The following PDE11A variants were observed in gnomAD, a reference collection of about 807,000 sequenced individuals.
PDE11A encodes the protein dual 3',5'-cyclic-AMP and -GMP phosphodiesterase 11A.
PDE11A carries 100 observed loss-of-function variants against 100.5 expected under a neutral mutation model. The observed-to-expected ratio is 1.00, with a 90% CI of 0.85 to 1.18. PDE11A has a LOEUF of 1.18. PDE11A is among the 50% of genes most tolerant of loss of function. The pLI is 0.00. For missense variants in PDE11A, 1,141 were observed against 1,152.6 expected (o/e 0.99, Z 0.15); for synonymous variants, 381 against 420.8 (o/e 0.91, Z 1.16).
chr2:177,789,570 A>G (rs1410913607), intron 9 of PDE11A, among the ~76,000 whole-genome samples: 2 of 151,936 alleles, frequency 1.3e-5, no homozygotes, highest in Non-Finnish European at 1.5e-5. Flanking sequence ...AATAAAGGGT[A>G]TTCAATTAGG....
At chr2:177,630,689 AT>A (rs5836618) in intron 19 of PDE11A, among the ~76,000 whole-genome samples, 11 of 151,384 alleles carry the variant, frequency 7.3e-5, no homozygotes, top group Admixed American at 2.6e-4. Context: ...CCTTATTTTA[AT>A]TTTTTTTTAC....
At chr2:177,736,425 G>A (rs993656040) in intron 10 of PDE11A, among the ~76,000 whole-genome samples, 7 of 152,002 alleles carry the variant, frequency 4.6e-5, no homozygotes, top group Non-Finnish European at 7.4e-5. Flanking sequence ...TTAGGAGGCT[G>A]AGGCAGGAGA....
At chr2:177,743,212 A>G (rs1319873598) in intron 10 of PDE11A, among the ~76,000 whole-genome samples, 1 of 152,238 alleles carries the variant, frequency 6.6e-6, no homozygotes, top group Non-Finnish European at 1.5e-5. Flanking sequence ...AGTTTTAAAT[A>G]ATTGTACTTA....
intron 2 of PDE11A, among the ~76,000 whole-genome samples, chr2:177,945,739 GC>G (rs1472674017): frequency 4.7e-5 from 7 of 148,986 alleles, no homozygotes; most frequent in Non-Finnish European, 8.9e-5. Context: ...GGGGGGGTCA[GC>G]CCCCCGCCCG....
chr2:177,937,051 C>T (rs1448379938), intron 2 of PDE11A, among the ~76,000 whole-genome samples: 5 of 151,960 alleles, frequency 3.3e-5, no homozygotes, highest in African/African-American at 4.8e-5. Context: ...TTACTATGCC[C>T]CTAAAATATT....
chr2:177,722,872 A>C (rs2081550709), intron 12 of PDE11A, among the ~76,000 whole-genome samples: 1 of 152,104 alleles, frequency 6.6e-6, no homozygotes, highest in African/African-American at 2.4e-5. Context: ...TTTTTTGATA[A>C]GGAAATACAA....
chr2:178,095,941 C>T (rs760029230), intron 2 of PDE11A, among the ~76,000 whole-genome samples: 1 of 152,142 alleles, frequency 6.6e-6, no homozygotes, highest in Non-Finnish European at 1.5e-5. Flanking sequence ...GCACAGAGCA[C>T]AGAGCAGCAG....
intron 19 of PDE11A, among the ~76,000 whole-genome samples, chr2:177,657,242 T>G (rs2080403078): frequency 1.3e-5 from 2 of 152,212 alleles, no homozygotes; most frequent in Admixed American, 1.3e-4. Context: ...GCACTCAGAT[T>G]TGGGTACATT....
chr2:177,841,457 T>G, intron 5 of PDE11A, among the ~76,000 whole-genome samples: 1 of 152,216 alleles, frequency 6.6e-6, no homozygotes, highest in Non-Finnish European at 1.5e-5. Flanking sequence ...CATCACTCTA[T>G]TGACTTTTTA....
At chr2:177,737,198 C>T (rs1260823431) in intron 10 of PDE11A, among the ~76,000 whole-genome samples, 1 of 151,916 alleles carries the variant, frequency 6.6e-6, no homozygotes, top group East Asian at 1.9e-4. Flanking sequence ...CAAGATCACG[C>T]CATTGCACTC....
intron 2 of PDE11A, among the ~76,000 whole-genome samples, chr2:177,951,562 C>T (rs2085505612): frequency 6.6e-6 from 1 of 152,082 alleles, no homozygotes; most frequent in Admixed American, 6.6e-5. Context: ...ATTCCTGGGT[C>T]AGAGACAAAG....
chr2:177,780,741 G>C (rs1316301168), intron 9 of PDE11A, among the ~76,000 whole-genome samples: 16 of 152,160 alleles, frequency 1.1e-4, no homozygotes, highest in Admixed American at 7.9e-4. Context: ...ATCTCTGCTA[G>C]CTTCAAACTT....
intron 2 of PDE11A, among the ~76,000 whole-genome samples, chr2:177,949,271 ATCTT>A (rs147945614): frequency 0.16 from 24,023 of 152,110 alleles, 1,945 homozygotes; most frequent in Middle Eastern, 0.27. Flanking sequence ...CTAGTTTAAA[ATCTT>A]TATTTTAATT....
At chr2:177,845,137 T>C in intron 5 of PDE11A, among the ~76,000 whole-genome samples, 1 of 151,110 alleles carries the variant, frequency 6.6e-6, no homozygotes. Context: ...GCTCCTCACC[T>C]CCCGGACGGG....
chr2:177,800,401 C>T (rs1442847463), intron 9 of PDE11A, among the ~76,000 whole-genome samples: 1 of 151,988 alleles, frequency 6.6e-6, no homozygotes, highest in Non-Finnish European at 1.5e-5. Context: ...AGACTCCTGG[C>T]TTCAAGCAAT....
At chr2:177,857,025 A>G (rs1246693291) in intron 5 of PDE11A, among the ~76,000 whole-genome samples, 1 of 152,092 alleles carries the variant, frequency 6.6e-6, no homozygotes, top group Non-Finnish European at 1.5e-5. Flanking sequence ...GTCCTAAGAC[A>G]ATGACAAGAA....
chr2:177,690,106 G>C (rs907292936), intron 15 of PDE11A, among the ~76,000 whole-genome samples: 2 of 152,126 alleles, frequency 1.3e-5, no homozygotes, highest in Non-Finnish European at 2.9e-5. Context: ...TCATTTTTTA[G>C]TCAGTTTTGA....
intron 2 of PDE11A, among the ~76,000 whole-genome samples, chr2:177,972,117 A>G (rs1482529725): frequency 6.6e-6 from 1 of 152,246 alleles, no homozygotes; most frequent in Non-Finnish European, 1.5e-5. Context: ...AGCTACAAAG[A>G]GCAATTTAGA....
At chr2:177,785,058 T>A (rs1574138666) in intron 9 of PDE11A, among the ~76,000 whole-genome samples, 1 of 152,210 alleles carries the variant, frequency 6.6e-6, no homozygotes, top group Non-Finnish European at 1.5e-5. Flanking sequence ...GGGGGGCCAG[T>A]ATAGTTTGGT....
Sources: gnomAD v4.1 joint callset for allele counts (sites outside exome capture counted in the v4.1 genomes callset) on GRCh38, gnomAD v4.1.1 for gene constraint, MANE v1.5 for transcripts, NCBI Gene and HGNC (gene_info 2026-07-23, HGNC 2026-07-21) for gene names.